The following MACROD2 variants were observed in gnomAD, a reference collection of about 807,000 sequenced individuals.
MACROD2 encodes ADP-ribose glycohydrolase MACROD2.
Under a neutral mutation model 70.4 loss-of-function variants are expected in MACROD2, and 36 were observed. That is an observed-to-expected ratio of 0.51 (90% confidence interval 0.39 to 0.68). The LOEUF is 0.68. Among genes scored for constraint, MACROD2 ranks in the 30% least tolerant of loss-of-function variants. The pLI, the probability that MACROD2 is intolerant of heterozygous loss-of-function variation, is 0.00. For synonymous variants in MACROD2, 172 were observed against 178.8 expected (o/e 0.96, Z 0.30); for missense variants, 496 against 538.4 (o/e 0.92, Z 0.78).
chr20:15,001,950 C>A (rs2074998825), intron 5 of MACROD2, among the ~76,000 whole-genome samples: 4 of 143,700 alleles, frequency 2.8e-5, no homozygotes, highest in Admixed American at 2.1e-4. Context: ...CATGCCCACA[C>A]ACACACACAC....
chr20:14,149,573 A>T (rs2054989429), intron 3 of MACROD2, among the ~76,000 whole-genome samples: 1 of 152,172 alleles, frequency 6.6e-6, no homozygotes, highest in Non-Finnish European at 1.5e-5. Flanking sequence ...TGCTTTCCCC[A>T]GTGGCTGAAC....
At chr20:15,894,925 C>A (rs140877896) in intron 10 of MACROD2, among the ~76,000 whole-genome samples, 2 of 152,216 alleles carry the variant, frequency 1.3e-5, no homozygotes, top group South Asian at 4.1e-4. Context: ...TGTTGTAGTT[C>A]GGTCATTTTC....
intron 5 of MACROD2, among the ~76,000 whole-genome samples, chr20:14,859,636 T>A (rs1340512854): frequency 6.6e-6 from 1 of 152,170 alleles, no homozygotes; most frequent in African/African-American, 2.4e-5. Flanking sequence ...TTTTAAACCA[T>A]TGACAACTTT....
chr20:14,981,171 A>G (rs1845785584), intron 5 of MACROD2, among the ~76,000 whole-genome samples: 2 of 152,180 alleles, frequency 1.3e-5, no homozygotes, highest in East Asian at 1.9e-4. Flanking sequence ...AAGGTCCTAC[A>G]CTGAGGTGAC....
chr20:16,010,416 G>A (rs2147525399), intron 15 of MACROD2, among the ~76,000 whole-genome samples: 1 of 152,250 alleles, frequency 6.6e-6, no homozygotes, highest in Middle Eastern at 3.4e-3. Context: ...AGAGGACAGA[G>A]TATAAAAGGA....
At chr20:15,477,144 G>A (rs1312343494) in intron 7 of MACROD2, among the ~76,000 whole-genome samples, 4 of 121,616 alleles carry the variant, frequency 3.3e-5, no homozygotes, top group Non-Finnish European at 4.7e-5. Context: ...TCTGTCACCC[G>A]TGCCGGACTA....
chr20:15,578,328 C>T (rs1280211623), intron 8 of MACROD2, among the ~76,000 whole-genome samples: 2 of 152,212 alleles, frequency 1.3e-5, no homozygotes, highest in African/African-American at 4.8e-5. Context: ...TGAATCCTGC[C>T]TCCAGCATTT....
chr20:16,042,610 T>G (rs1293629042), intron 16 of MACROD2, among the ~76,000 whole-genome samples: 3 of 152,026 alleles, frequency 2.0e-5, no homozygotes, highest in Non-Finnish European at 4.4e-5. Context: ...GTTTTAGAAC[T>G]AGTATCCCTT....
At chr20:14,088,748 TC>T (rs2054113301) in intron 3 of MACROD2, among the ~76,000 whole-genome samples, 1 of 152,180 alleles carries the variant, frequency 6.6e-6, no homozygotes. Flanking sequence ...TTGTGTCAAC[TC>T]CCCAAGCAAT....
intron 5 of MACROD2, among the ~76,000 whole-genome samples, chr20:15,010,924 A>G (rs2075078018): frequency 6.6e-6 from 1 of 152,186 alleles, no homozygotes; most frequent in African/African-American, 2.4e-5. Flanking sequence ...TTCCTCCAAA[A>G]TCACTCAGTG....
intron 8 of MACROD2, among the ~76,000 whole-genome samples, chr20:15,603,948 A>G (rs547924066): frequency 6.6e-6 from 1 of 152,332 alleles, no homozygotes; most frequent in South Asian, 2.1e-4. Flanking sequence ...CACTATTTTA[A>G]ATTAGTGGTC....
At chr20:14,798,786 A>G (rs1341568311) in intron 5 of MACROD2, among the ~76,000 whole-genome samples, 9 of 152,018 alleles carry the variant, frequency 5.9e-5, no homozygotes, top group African/African-American at 1.5e-4. Context: ...TTATGTTTTA[A>G]TAACTTTGAA....
chr20:14,946,410 A>T (rs2423865), intron 5 of MACROD2, among the ~76,000 whole-genome samples: 1 of 151,772 alleles, frequency 6.6e-6, no homozygotes, highest in African/African-American at 2.4e-5. Context: ...AAAAAATTAC[A>T]CTTAAAATTT....
At chr20:14,849,405 C>CT (rs2073175235) in intron 5 of MACROD2, among the ~76,000 whole-genome samples, 1 of 152,118 alleles carries the variant, frequency 6.6e-6, no homozygotes, top group African/African-American at 2.4e-5. Flanking sequence ...TGTTGCGACT[C>CT]TAACTTCGGT....
At chr20:14,837,153 G>A (rs2073038624) in intron 5 of MACROD2, among the ~76,000 whole-genome samples, 1 of 151,848 alleles carries the variant, frequency 6.6e-6, no homozygotes, top group Non-Finnish European at 1.5e-5. Context: ...TGTTTATTAT[G>A]TATGCATAAT....
intron 15 of MACROD2, among the ~76,000 whole-genome samples, chr20:16,002,562 T>C (rs1449838718): frequency 6.6e-6 from 1 of 152,138 alleles, no homozygotes; most frequent in African/African-American, 2.4e-5. Context: ...GAACATGCTA[T>C]GCTGCTGGCT....
At chr20:15,357,563 C>T (rs888987384) in intron 6 of MACROD2, among the ~76,000 whole-genome samples, 7 of 151,918 alleles carry the variant, frequency 4.6e-5, no homozygotes, top group African/African-American at 1.7e-4. Flanking sequence ...TGACCAATAT[C>T]CAGATAATTA....
At chr20:14,971,785 T>C (rs533909460) in intron 5 of MACROD2, among the ~76,000 whole-genome samples, 1 of 152,198 alleles carries the variant, frequency 6.6e-6, no homozygotes, top group South Asian at 2.1e-4. Context: ...ACCCTAATCT[T>C]ATAAAAATAG....
chr20:15,424,811 G>A (rs1484612677), intron 6 of MACROD2, among the ~76,000 whole-genome samples: 1 of 152,148 alleles, frequency 6.6e-6, no homozygotes, highest in East Asian at 1.9e-4. Context: ...CTTGAACTAG[G>A]ATAACTCTTA....
Sources: gnomAD v4.1 joint callset for allele counts (sites outside exome capture counted in the v4.1 genomes callset) on GRCh38, gnomAD v4.1.1 for gene constraint, MANE v1.5 for transcripts, NCBI Gene and HGNC (gene_info 2026-07-23, HGNC 2026-07-21) for gene names.